The following EVC variants were observed in gnomAD, a reference collection of about 807,000 sequenced individuals.
The protein encoded by EVC is EvC ciliary complex subunit 1.
Under a neutral mutation model 118.9 loss-of-function variants are expected in EVC, and 116 were observed. The ratio of observed to expected loss-of-function variants is 0.98; its 90% CI spans 0.84 to 1.14. The LOEUF (loss-of-function observed/expected upper bound fraction) is 1.14. EVC is among the 50% of genes most tolerant of loss of function. The pLI is 0.00. For synonymous variants in EVC, 619 were observed against 534.7 expected, an observed-to-expected ratio of 1.16 and a Z score of -2.18; for missense variants, 1,401 against 1,246.4, an observed-to-expected ratio of 1.12 and a Z score of -1.87.
chr4:5,798,916 T>TTC lies in EVC; in HGVS notation c.2304+127_2304+128dup. On this transcript the variant is annotated intron_variant, in intron 15 of 20. Coordinates refer to ENST00000264956, the MANE Select transcript of EVC (RefSeq NM_153717.3). This position sits in a 1 kb window ranked among gnomAD's most constrained non-coding sequence, Gnocchi z 4.1. ...TGTGGCCTAGTAGACTTTGCCTGAC[T>TTC]TCTCCATGACTTGATTTTCTCATCT... 1 of 1,051,318 alleles carries TTC rather than the reference T, an allele frequency of 9.5e-7. No individual in the cohort carries two copies. Among genetic ancestry groups the TTC allele is most frequent in the South Asian group, 1.4e-5 (1 of 73,438 alleles). The allele number at this position is 1,051,318 out of a possible 1,614,324, so 65.1% of individuals were successfully genotyped here. A position where few individuals can be genotyped will look rare whatever the true frequency, so the allele number is the denominator to read the frequency against.
At chr4:5,828,798 TTTTA>T in the EVC span, 36 of 1,117,080 alleles carry the variant, frequency 3.2e-5, no homozygotes, top group South Asian at 5.7e-4. Context: ...TAAAAATACC[TTTTA>T]TTGACTGTAA....
chr4:5,741,954 A>G, intron 6 of EVC, 140 bp downstream of exon 6: 2 of 483,712 alleles, frequency 4.1e-6, no homozygotes, highest in Middle Eastern at 5.5e-4. Flanking sequence ...ATAGTGAAAT[A>G]TAAAAGTATG....
the EVC span, chr4:5,824,402 T>G: frequency 1.0e-6 from 1 of 985,236 alleles, no homozygotes; most frequent in Non-Finnish European, 1.2e-6. Context: ...GATTCATGCC[T>G]CCTCGGCATA....
the EVC span, among the ~76,000 whole-genome samples, chr4:5,823,035 G>A: frequency 4.6e-5 from 7 of 152,208 alleles, no homozygotes; most frequent in African/African-American, 1.4e-4. Flanking sequence ...CAACTGTCTT[G>A]GTGAATTTTT....
At chr4:5,774,573 C>A (rs1448936643) in intron 11 of EVC, among the ~76,000 whole-genome samples, 1 of 152,006 alleles carries the variant, frequency 6.6e-6, no homozygotes, top group Non-Finnish European at 1.5e-5. Flanking sequence ...TCTTCCTTGC[C>A]CCAAGTACCT....
At chr4:5,782,669 A>T (rs1377769322) in intron 11 of EVC, among the ~76,000 whole-genome samples, 1 of 149,736 alleles carries the variant, frequency 6.7e-6, no homozygotes, top group East Asian at 2.0e-4. Flanking sequence ...GCGGGGATGA[A>T]GGCAACAGAA....
At chr4:5,809,373 G>T in intron 18 of EVC, 145 bp from the exon 19 acceptor site, 1 of 724,528 alleles carries the variant, frequency 1.4e-6, no homozygotes, top group South Asian at 1.5e-5. Flanking sequence ...CTCCTCTCTG[G>T]GATGTATGTT....
chr4:5,784,506 C>G (rs548591131), intron 12 of EVC, among the ~76,000 whole-genome samples: 12 of 152,102 alleles, frequency 7.9e-5, no homozygotes, highest in Non-Finnish European at 1.5e-4. Context: ...TTTCAGCCTT[C>G]TGGCCTCAAA....
intron 4 of EVC, among the ~76,000 whole-genome samples, chr4:5,733,129 C>T (rs1456596811): frequency 2.6e-5 from 4 of 152,180 alleles, no homozygotes; most frequent in Non-Finnish European, 5.9e-5. Context: ...GCACCTATGT[C>T]TCTGACACCA....
chr4:5,726,296 C>T (rs1203381591), intron 2 of EVC, among the ~76,000 whole-genome samples: 3 of 152,200 alleles, frequency 2.0e-5, no homozygotes, highest in Admixed American at 6.5e-5. Context: ...TCTGCAGCGC[C>T]AGGCTTTGGG....
chr4:5,748,216 C>T lies in EVC; in HGVS notation c.1008C>T (p.Ser336=), dbSNP rs1729661315. ...HFLVDQFKCS[S]SKARQLMMTL... ...TTGTGGACCAGTTTAAGTGTTCCAGCTCCAAAGCCCGACAGCTGATGATGA... is the reference window on the plus strand; with the variant it reads ...TTGTGGACCAGTTTAAGTGTTCCAGTTCCAAAGCCCGACAGCTGATGATGA... Residue 336 remains serine, a synonymous_variant, in exon 8 of 21, where the codon AGC becomes AGT. Coordinates refer to ENST00000264956, the MANE Select transcript of EVC (RefSeq NM_153717.3). 3 of 1,614,176 alleles carry T rather than the reference C, an allele frequency of 1.9e-6. No individual in the cohort carries two copies. The highest frequency in any genetic ancestry group is 2.5e-6 in the Non-Finnish European group (3 of 1,180,028).
At chr4:5,767,500 T>G (rs570272284) in intron 11 of EVC, among the ~76,000 whole-genome samples, 21 of 151,080 alleles carry the variant, frequency 1.4e-4, no homozygotes, top group African/African-American at 5.1e-4. Context: ...TCCCCCAGCG[T>G]GGCTGCCACC....
At chr4:5,796,362 G>T (rs1713968261) in intron 13 of EVC, among the ~76,000 whole-genome samples, 2 of 152,086 alleles carry the variant, frequency 1.3e-5, no homozygotes, top group African/African-American at 4.8e-5. Context: ...CTAAGCATGA[G>T]AAATTGTAGA....
chr4:5,767,314 A>G (rs958545867), intron 11 of EVC, among the ~76,000 whole-genome samples: 2 of 143,082 alleles, frequency 1.4e-5, no homozygotes, highest in African/African-American at 5.0e-5. Context: ...GCTGTCAGAC[A>G]GGGACATTTA....
At chr4:5,769,345 C>T (rs545968254) in intron 11 of EVC, among the ~76,000 whole-genome samples, 121 of 152,296 alleles carry the variant, frequency 7.9e-4, no homozygotes, top group East Asian at 3.9e-4. Flanking sequence ...TTACCTCCCA[C>T]TGGGCCAGTC....
rs940975160 is a variant in EVC, at chr4:5,749,177, T to C, written c.1098+871T>C. On this transcript the variant is annotated intron_variant, in intron 8 of 20. Coordinates refer to ENST00000264956, the MANE Select transcript of EVC (RefSeq NM_153717.3). This position sits in a 1 kb window ranked among gnomAD's most constrained non-coding sequence, Gnocchi z 4.4. ...TGGTCTGGAGTGGAGGCCCTGGCAT[T>C]GTGGGTTTTAAAACTCCCTGAACTA... 6.6e-6 allele frequency among the ~76,000 whole-genome samples: 1 copy of C among 152,044 alleles called. No homozygotes were observed. Among genetic ancestry groups the C allele is most frequent in the Non-Finnish European group, 1.5e-5 (1 of 68,004 alleles).
At chr4:5,820,453 T>A in the EVC span, among the ~76,000 whole-genome samples, 1 of 152,216 alleles carries the variant, frequency 6.6e-6, no homozygotes, top group Non-Finnish European at 1.5e-5. Context: ...TTTAGGAGAT[T>A]GGAGCTTCCA....
chr4:5,802,531 C>T (rs1029396668), intron 16 of EVC, among the ~76,000 whole-genome samples: 13 of 152,160 alleles, frequency 8.5e-5, no homozygotes, highest in Non-Finnish European at 1.9e-4. Flanking sequence ...TTGGAATATA[C>T]AGTGAAATAA....
Position 5,798,068 on chromosome 4 carries a change from G to A in EVC, c.2098-518G>A, listed in dbSNP as rs1029302873. ...CTTAAGCTCTATCCAGGAGAGCTCC[G>A]AGGAGCAGGCAGGACTCACGGACCT... On this transcript the variant is annotated intron_variant, in intron 14 of 20. Coordinates refer to ENST00000264956, the MANE Select transcript of EVC (RefSeq NM_153717.3). The surrounding 1 kb of genome is among the most constrained non-coding windows in gnomAD (Gnocchi z 4.1). Among the ~76,000 whole-genome samples, 2 of 152,084 alleles carry A rather than the reference G, an allele frequency of 1.3e-5. No individual in the cohort carries two copies. The highest frequency in any genetic ancestry group is 2.9e-5 in the Non-Finnish European group (2 of 68,008).
Sources: gnomAD v4.1 joint callset for allele counts (sites outside exome capture counted in the v4.1 genomes callset) on GRCh38, gnomAD v4.1.1 for gene constraint, Gnocchi (gnomAD v3.1) non-coding constraint, MANE v1.5 for transcripts, NCBI Gene and HGNC (gene_info 2026-07-23, HGNC 2026-07-21) for gene names.